Variants in ROBO1 observed in about 807,000 individuals in gnomAD.
The protein encoded by ROBO1 is roundabout guidance receptor 1.
A neutral mutation model predicts 195.9 loss-of-function variants in ROBO1; 149 were observed. That is an observed-to-expected ratio of 0.76 (90% CI 0.67 to 0.87). ROBO1 has a LOEUF of 0.87. ROBO1 is among the 40% of genes least tolerant of loss of function. The pLI is 0.00. For missense variants in ROBO1, 1,933 were observed against 2,068.3 expected, an observed-to-expected ratio of 0.93 and a Z score of 1.27; for synonymous variants, 816 against 733.2, an observed-to-expected ratio of 1.11 and a Z score of -1.82.
chr3:79,481,821 GC>G (rs1198726589), intron 2 of ROBO1, among the ~76,000 whole-genome samples: 1 of 152,070 alleles, frequency 6.6e-6, no homozygotes, highest in Non-Finnish European at 1.5e-5. Context: ...AAAGGAATGT[GC>G]TATATTGCCT....
intron 4 of ROBO1, among the ~76,000 whole-genome samples, chr3:78,859,336 G>T (rs1420486024): frequency 1.3e-5 from 2 of 152,154 alleles, no homozygotes; most frequent in Non-Finnish European, 2.9e-5. Context: ...ATTTTTAAAA[G>T]AAATTATGGA....
intron 4 of ROBO1, among the ~76,000 whole-genome samples, chr3:78,890,087 A>G (rs1346068357): frequency 1.3e-5 from 2 of 152,056 alleles, no homozygotes; most frequent in African/African-American, 4.8e-5. Flanking sequence ...ATTTTGCTTA[A>G]GCTCTTAATA....
chr3:78,963,272 A>C (rs2041478227), intron 3 of ROBO1, among the ~76,000 whole-genome samples: 1 of 151,946 alleles, frequency 6.6e-6, no homozygotes, highest in African/African-American at 2.4e-5. Flanking sequence ...AAGTACCAAA[A>C]GCAAAATATA....
chr3:78,615,933 TAA>T (rs1166022186), intron 27 of ROBO1, among the ~76,000 whole-genome samples: 4 of 152,182 alleles, frequency 2.6e-5, no homozygotes, highest in Admixed American at 2.6e-4. Flanking sequence ...TTTAGTTAAT[TAA>T]AATTATGAGC....
chr3:78,771,900 C>A (rs2083385520), intron 4 of ROBO1, among the ~76,000 whole-genome samples: 1 of 151,940 alleles, frequency 6.6e-6, no homozygotes, highest in African/African-American at 2.4e-5. Context: ...TAGGCTCAAT[C>A]CTTTTAAATT....
chr3:79,338,548 A>G (rs1260597877), intron 2 of ROBO1, among the ~76,000 whole-genome samples: 1 of 152,166 alleles, frequency 6.6e-6, no homozygotes, highest in Non-Finnish European at 1.5e-5. Flanking sequence ...GGACATGCTG[A>G]GGACTTTTGT....
chr3:78,846,327 T>C (rs1320329572), intron 4 of ROBO1, among the ~76,000 whole-genome samples: 1 of 152,102 alleles, frequency 6.6e-6, no homozygotes, highest in African/African-American at 2.4e-5. Context: ...TCAAATGACT[T>C]ACAGTCTTAT....
intron 3 of ROBO1, among the ~76,000 whole-genome samples, chr3:78,956,468 A>G (rs770040841): frequency 4.6e-5 from 7 of 152,206 alleles, no homozygotes; most frequent in Non-Finnish European, 1.0e-4. Flanking sequence ...AAAAAGCCAT[A>G]AAAACCAGTT....
chr3:79,669,294 T>C (rs774768723), intron 1 of ROBO1, among the ~76,000 whole-genome samples: 1 of 151,814 alleles, frequency 6.6e-6, no homozygotes, highest in Non-Finnish European at 1.5e-5. Context: ...CCTTATGCCG[T>C]GATTGTGAGG....
intron 26 of ROBO1, among the ~76,000 whole-genome samples, chr3:78,619,215 TAA>T (rs955696188): frequency 6.6e-6 from 1 of 151,764 alleles, no homozygotes; most frequent in Admixed American, 6.6e-5. Context: ...TCCTGAGAAG[TAA>T]AGAGGATAGA....
intron 1 of ROBO1, among the ~76,000 whole-genome samples, chr3:79,755,371 C>G (rs1704330016): frequency 6.6e-6 from 1 of 152,002 alleles, no homozygotes; most frequent in Non-Finnish European, 1.5e-5. Context: ...CAGCATCAAG[C>G]AAAAGAGTAC....
chr3:79,025,914 G>A (rs1489051774), intron 3 of ROBO1, among the ~76,000 whole-genome samples: 1 of 152,124 alleles, frequency 6.6e-6, no homozygotes, highest in Admixed American at 6.5e-5. Context: ...CTGGAACACA[G>A]TTCTCTAAAT....
intron 2 of ROBO1, among the ~76,000 whole-genome samples, chr3:79,157,358 CA>C (rs1197433226): frequency 6.6e-6 from 1 of 151,902 alleles, no homozygotes; most frequent in Non-Finnish European, 1.5e-5. Flanking sequence ...GAAGCTGGCA[CA>C]CCAGTTACAG....
intron 3 of ROBO1, among the ~76,000 whole-genome samples, chr3:79,001,736 C>G (rs1020973071): frequency 1.4e-4 from 21 of 152,024 alleles, no homozygotes; most frequent in African/African-American, 5.1e-4. Flanking sequence ...GAGCTTATCA[C>G]TATAATTTCC....
intron 2 of ROBO1, among the ~76,000 whole-genome samples, chr3:79,443,247 A>T (rs2039120856): frequency 6.6e-6 from 1 of 152,182 alleles, no homozygotes; most frequent in South Asian, 2.1e-4. Flanking sequence ...CAACCAAGGG[A>T]TAAGCCTTGA....
rs148723629 is a variant in ROBO1 at position 78,925,078 on chromosome 3, T to C, written c.499+13523A>G. ...TTTCAAGCGGTACATGTTAGGTTAT[T>C]AAAGTAAACATTGAGGTAAACTTTT... On this transcript the variant is annotated intron_variant, in intron 4 of 30. Coordinates refer to ENST00000464233, the MANE Select transcript of ROBO1 (RefSeq NM_002941.4). 1.4e-3 allele frequency among the ~76,000 whole-genome samples: 218 copies of C among 152,244 alleles called. 4 individuals are homozygous for C. In the East Asian group the frequency reaches 0.033, roughly 23 times the overall value.
At chr3:79,019,376 G>C (rs1280312865) in intron 3 of ROBO1, 1 of 985,676 alleles carries the variant, frequency 1.0e-6, no homozygotes, top group Admixed American at 6.1e-5. Flanking sequence ...TGGGAGAGAC[G>C]GCCGCCGCGG....
At chr3:78,858,427 C>T (rs1355393700) in intron 4 of ROBO1, among the ~76,000 whole-genome samples, 1 of 151,814 alleles carries the variant, frequency 6.6e-6, no homozygotes, top group African/African-American at 2.4e-5. Flanking sequence ...AGCTGCAGAT[C>T]CTTAGAAAGT....
At chr3:79,547,149 C>A (rs1942298109) in intron 2 of ROBO1, among the ~76,000 whole-genome samples, 2 of 124,356 alleles carry the variant, frequency 1.6e-5, no homozygotes, top group East Asian at 2.5e-4. Flanking sequence ...CGTGCCACTG[C>A]ACTCCAGCCT....
Sources: gnomAD v4.1 joint callset for allele counts (sites outside exome capture counted in the v4.1 genomes callset) on GRCh38, gnomAD v4.1.1 for gene constraint, MANE v1.5 for transcripts, NCBI Gene and HGNC (gene_info 2026-07-23, HGNC 2026-07-21) for gene names.